Variants in TUSC3 observed in about 807,000 individuals in gnomAD.
TUSC3 encodes tumor suppressor candidate 3, also known as dolichyl-diphosphooligosaccharide--protein glycosyltransferase subunit TUSC3.
TUSC3 carries 45 observed loss-of-function variants against 44.8 expected under a neutral mutation model. The observed-to-expected ratio is 1.00, with a 90% CI of 0.79 to 1.29. The LOEUF is 1.29. Ranked by LOEUF, TUSC3 falls within the 50% of genes most tolerant of loss-of-function variation. The pLI is 0.00. For missense variants in TUSC3, 519 were observed against 437.9 expected (o/e 1.19, Z -1.65); for synonymous variants, 212 against 152.9 (o/e 1.39, Z -2.85).
At chr8:15,584,534 T>C (rs1456797564) in intron 1 of TUSC3, among the ~76,000 whole-genome samples, 1 of 152,310 alleles carries the variant, frequency 6.6e-6, no homozygotes, top group African/African-American at 2.4e-5. Context: ...AAGAGCAATA[T>C]AAGTGCTATG....
chr8:15,528,583 A>C (rs78045541), intron 2 of TUSC3, among the ~76,000 whole-genome samples: 1 of 152,180 alleles, frequency 6.6e-6, no homozygotes, highest in East Asian at 1.9e-4. Flanking sequence ...CAAGGATAGC[A>C]AAATTATCTC....
At chr8:15,720,875 G>A (rs1810276337) in intron 6 of TUSC3, among the ~76,000 whole-genome samples, 1 of 152,090 alleles carries the variant, frequency 6.6e-6, no homozygotes, top group African/African-American at 2.4e-5. Context: ...TAACAAATAT[G>A]TTAAAAGGTT....
chr8:15,791,525 G>C, the TUSC3 span, among the ~76,000 whole-genome samples: 1 of 152,084 alleles, frequency 6.6e-6, no homozygotes, highest in African/African-American at 2.4e-5. Context: ...TGACAAGACT[G>C]GGGAGACCAC....
At chr8:15,753,376 G>A (rs1426869173) in intron 9 of TUSC3, among the ~76,000 whole-genome samples, 3 of 151,926 alleles carry the variant, frequency 2.0e-5, no homozygotes, top group Admixed American at 1.3e-4. Flanking sequence ...TCCTTATGGT[G>A]CTCACAGATA....
rs1452932880 is a variant in TUSC3 at position 15,529,942 on chromosome 8, C to CGCCCGCCACCAA, written n.189+46464_189+46465insCCACCAAGCCCG. 2.0e-3 allele frequency among the ~76,000 whole-genome samples: 42 copies of CGCCCGCCACCAA among 21,098 alleles called. 8 individuals are homozygous for CGCCCGCCACCAA. Among genetic ancestry groups the CGCCCGCCACCAA allele is most frequent in the African/African-American group, 4.1e-3 (36 of 8,722 alleles). 13.8% of individuals were successfully genotyped at this position (21,098 alleles called of 152,430 possible). A position where few individuals can be genotyped will look rare whatever the true frequency, so the allele number is the denominator to read the frequency against. On this transcript the variant is annotated intron_variant and non_coding_transcript_variant, in intron 2 of 5. Transcript: ENST00000503191. ...CCTCCCGAGTAGCTGGGACTACAGG[C>CGCCCGCCACCAA]GCCCGGCTAATTTTTTGTATTTTTA...
At chr8:15,709,067 G>A (rs982698734) in intron 6 of TUSC3, among the ~76,000 whole-genome samples, 1 of 151,872 alleles carries the variant, frequency 6.6e-6, no homozygotes, top group Non-Finnish European at 1.5e-5. Flanking sequence ...TTGGAAGGCA[G>A]ATATAAAAAT....
downstream of TUSC3, among the ~76,000 whole-genome samples, chr8:15,768,945 C>A (rs2721231): frequency 0.61 from 93,169 of 152,026 alleles, 29,550 homozygotes; most frequent in African/African-American, 0.76. Flanking sequence ...CAAATGGAAA[C>A]ACATTCCATG....
the TUSC3 span, among the ~76,000 whole-genome samples, chr8:15,841,640 A>C: frequency 5.9e-5 from 9 of 152,062 alleles, 1 homozygote; most frequent in East Asian, 7.8e-4. Context: ...CAGTGTCCTG[A>C]GTAGCTAGGA....
chr8:15,798,651 G>GGGGC, the TUSC3 span, among the ~76,000 whole-genome samples: 5 of 130,530 alleles, frequency 3.8e-5, no homozygotes, highest in African/African-American at 1.4e-4. Flanking sequence ...TGGGTGTGTG[G>GGGGC]GGGGGGTCCT....
intron 2 of TUSC3, among the ~76,000 whole-genome samples, chr8:15,521,265 G>T (rs73536448): frequency 6.6e-6 from 1 of 152,060 alleles, no homozygotes; most frequent in African/African-American, 2.4e-5. Flanking sequence ...CTTGATCCTC[G>T]GCTGGGTAGC....
chr8:15,821,859 G>A, the TUSC3 span, among the ~76,000 whole-genome samples: 1 of 152,130 alleles, frequency 6.6e-6, no homozygotes, highest in East Asian at 1.9e-4. Flanking sequence ...CCATCAAAGT[G>A]CAACTAAATT....
At chr8:15,460,311 A>G (rs1800327554) in intron 1 of TUSC3, among the ~76,000 whole-genome samples, 1 of 151,914 alleles carries the variant, frequency 6.6e-6, no homozygotes, top group Non-Finnish European at 1.5e-5. Context: ...TTTTTTTCGT[A>G]TATTTGTTGG....
intron 1 of TUSC3, among the ~76,000 whole-genome samples, chr8:15,434,483 A>G (rs752112084): frequency 1.4e-5 from 2 of 147,872 alleles, no homozygotes; most frequent in Non-Finnish European, 3.0e-5. Flanking sequence ...TAGTTGTTTT[A>G]TTCACTAACC....
chr8:15,537,790 G>T (rs1163349898), upstream of TUSC3, among the ~76,000 whole-genome samples: 1 of 152,182 alleles, frequency 6.6e-6, no homozygotes, highest in Non-Finnish European at 1.5e-5. Flanking sequence ...ATTACCACAA[G>T]TTGGGGAGAG....
intron 1 of TUSC3, among the ~76,000 whole-genome samples, chr8:15,606,723 G>A (rs772278230): frequency 1.1e-4 from 16 of 151,910 alleles, no homozygotes; most frequent in African/African-American, 3.1e-4. Flanking sequence ...TTATATTTAC[G>A]TGTGTACTTT....
rs1232632290 is a variant in TUSC3, at chr8:15,523,656, ATATATATATGTGTGTGTGTG to A, written n.189+40175_189+40194del. On this transcript the variant is annotated intron_variant and non_coding_transcript_variant, in intron 2 of 5. Coordinates refer to the TUSC3 transcript ENST00000503191. ...TTTAAAAACATATATATATATATAT[ATATATATATGTGTGTGTGTG>A]TGTGTGTGTGTGTGTGTGTGTGTGT... 6.8e-3 allele frequency among the ~76,000 whole-genome samples: 632 copies of A among 93,490 alleles called. 19 individuals carry two copies. The highest frequency in any genetic ancestry group is 0.043 in the South Asian group (104 of 2,410). The allele number at this position is 93,490 out of a possible 152,430, so 61.3% of individuals were successfully genotyped here. A position where few individuals can be genotyped will look rare whatever the true frequency, so the allele number is the denominator to read the frequency against.
Position 15,687,744 on chromosome 8 carries a change from C to G in TUSC3, c.798+13908C>G, listed in dbSNP as rs530100796. ...TTACTTCATGACAAAGCACTTCACACGTGGCAGATACTAAATAAATGATAC... is the reference window on the plus strand; with the variant it reads ...TTACTTCATGACAAAGCACTTCACAGGTGGCAGATACTAAATAAATGATAC... On this transcript the variant is annotated intron_variant, in intron 6 of 10. Transcript: ENST00000503731. 3.9e-5 allele frequency among the ~76,000 whole-genome samples: 6 copies of G among 152,276 alleles called. No individual in the cohort carries two copies. The South Asian group carries it at 1.0e-3, about 26-fold the overall frequency.
chr8:15,694,628 A>G (rs1809076896), intron 6 of TUSC3, among the ~76,000 whole-genome samples: 1 of 151,926 alleles, frequency 6.6e-6, no homozygotes, highest in African/African-American at 2.4e-5. Context: ...CCGCTTTGAT[A>G]TCCTTGGGGC....
intron 6 of TUSC3, among the ~76,000 whole-genome samples, chr8:15,718,751 G>C (rs138800988): frequency 6.6e-6 from 1 of 151,886 alleles, no homozygotes; most frequent in Non-Finnish European, 1.5e-5. Context: ...TATATCCTCA[G>C]TTGAACTTAA....
Sources: allele counts gnomAD v4.1 joint callset (sites outside exome capture counted in the v4.1 genomes callset), GRCh38; gene constraint gnomAD v4.1.1; transcripts MANE v1.5; gene names NCBI Gene and HGNC (gene_info 2026-07-23, HGNC 2026-07-21).